Variants in KCNN1 observed in about 807,000 individuals in gnomAD.
KCNN1 encodes potassium calcium-activated channel subfamily N member 1, also known as small conductance calcium-activated potassium channel protein 1.
A neutral mutation model predicts 44.7 loss-of-function variants in KCNN1; 20 were observed. The observed-to-expected ratio is 0.45, with a 90% CI of 0.32 to 0.65. The LOEUF (loss-of-function observed/expected upper bound fraction) is 0.65. Ranked by LOEUF, KCNN1 falls within the 30% of genes least tolerant of loss-of-function variation. The probability of loss-of-function intolerance (pLI) is 0.05; values close to 1 mark genes in which losing one functional copy is unlikely to be tolerated. For missense variants in KCNN1, 632 were observed against 785.3 expected, an observed-to-expected ratio of 0.80 and a Z score of 2.33; for synonymous variants, 324 against 341.7, an observed-to-expected ratio of 0.95 and a Z score of 0.57.
chr19:17,994,272 C>T (rs923437847), intron 9 of KCNN1, among the ~76,000 whole-genome samples: 1 of 151,670 alleles, frequency 6.6e-6, no homozygotes, highest in African/African-American at 2.4e-5. Context: ...CAGAGAGACC[C>T]CATCTGTACA....
chr19:17,955,257 T>TAA (rs869247421), intron 2 of KCNN1, among the ~76,000 whole-genome samples: 2 of 127,704 alleles, frequency 1.6e-5, no homozygotes, highest in Non-Finnish European at 3.4e-5. Flanking sequence ...TCTCTTTAAT[T>TAA]AAAAAAAAAA....
At chr19:17,977,760 C>T (rs941485375) in intron 3 of KCNN1, among the ~76,000 whole-genome samples, 1 of 152,092 alleles carries the variant, frequency 6.6e-6, no homozygotes, top group Admixed American at 6.6e-5. Flanking sequence ...TTCAGAGGTA[C>T]TAGAGGTCAG....
intron 9 of KCNN1, among the ~76,000 whole-genome samples, chr19:17,996,182 A>T (rs567213943): frequency 6.7e-6 from 1 of 149,386 alleles, no homozygotes; most frequent in Non-Finnish European, 1.5e-5. Flanking sequence ...AAAAAAAAAA[A>T]AAATAGAAAA....
chr19:17,980,228 ATTTTTTTTTTT>A (rs34810089), intron 3 of KCNN1, among the ~76,000 whole-genome samples: 12 of 44,534 alleles, frequency 2.7e-4, no homozygotes, highest in South Asian at 1.2e-3. Context: ...CACCTAGCTA[ATTTTTTTTTTT>A]TTTTTTTTTT....
At chr19:17,980,192 G>A (rs1349295750) in intron 3 of KCNN1, among the ~76,000 whole-genome samples, 1 of 146,466 alleles carries the variant, frequency 6.8e-6, no homozygotes, top group Non-Finnish European at 1.5e-5. Flanking sequence ...GCCTCTCAAG[G>A]CTGAGATTAC....
In KCNN1 at chr19:17,983,742, A is replaced by T. The variant is rs1433203365; in HGVS notation, c.918-1570A>T. Among the ~76,000 whole-genome samples, 2 of 142,480 alleles carry T rather than the reference A, an allele frequency of 1.4e-5. No homozygotes were observed. Among genetic ancestry groups the T allele is most frequent in the African/African-American group, 5.3e-5 (2 of 37,860 alleles). The allele number at this position is 142,480 out of a possible 152,430, so 93.5% of individuals were successfully genotyped here. ...CCGTGCTCCTGGGTGGTCCCGCGGCACCCCCCACCATCGCTCCGTCTGGAT... is the reference window on the plus strand; with the variant it reads ...CCGTGCTCCTGGGTGGTCCCGCGGCTCCCCCCACCATCGCTCCGTCTGGAT... On this transcript the variant is annotated intron_variant, in intron 4 of 9. Coordinates refer to ENST00000684775, the MANE Select transcript of KCNN1 (RefSeq NM_001386974.1). This position sits in a 1 kb window ranked among gnomAD's most constrained non-coding sequence, Gnocchi z 4.5.
chr19:17,953,958 G>A (rs149329139), intron 1 of KCNN1, among the ~76,000 whole-genome samples: 3 of 152,198 alleles, frequency 2.0e-5, no homozygotes, highest in African/African-American at 7.2e-5. Context: ...TCCCCATGGC[G>A]AAGGAACTAG....
At chr19:17,986,421 C>G (rs2032598622) in intron 5 of KCNN1, among the ~76,000 whole-genome samples, 1 of 152,030 alleles carries the variant, frequency 6.6e-6, no homozygotes, top group South Asian at 2.1e-4. Context: ...GCCCAAACTC[C>G]CTTCCTTAGC....
chr19:17,979,432 C>CAAAAA (rs35265456), intron 3 of KCNN1, among the ~76,000 whole-genome samples: 1 of 48,778 alleles, frequency 2.1e-5, no homozygotes, highest in African/African-American at 8.3e-5. Context: ...GACTCCGTCT[C>CAAAAA]AAAAAAAAAA....
At position 17,991,407 on chromosome 19, in the gene KCNN1, C is replaced by T. The variant is rs552421535; in HGVS notation, c.1298+1564C>T. 7.9e-5 allele frequency among the ~76,000 whole-genome samples: 12 copies of T among 152,264 alleles called. No individual in the cohort carries two copies. In the South Asian group the frequency reaches 1.5e-3, roughly 18 times the overall value. The stretch of plus-strand genomic sequence containing the variant: ...TCAAGGTTGCAGCGAGCTGTGATTG[C>T]GCCACTGCACTCCAGCCTGGGCCAC... On this transcript the variant is annotated intron_variant, in intron 7 of 9. Coordinates refer to ENST00000684775, the MANE Select transcript of KCNN1 (RefSeq NM_001386974.1).
Position 17,998,789 on chromosome 19 carries a change from T to C in KCNN1, c.*383T>C, listed in dbSNP as rs2033092553. 1.6e-5 allele frequency: 3 copies of C among 182,896 alleles called. No homozygotes were observed. Among genetic ancestry groups the C allele is most frequent in the Admixed American group, 6.1e-5 (1 of 16,428 alleles). The allele number at this position is 182,896 out of a possible 1,614,324, so 11.3% of individuals were successfully genotyped here. On this transcript the variant is annotated 3_prime_UTR_variant, in exon 10 of 10. Coordinates refer to ENST00000684775, the MANE Select transcript of KCNN1 (RefSeq NM_001386974.1). The surrounding 1 kb of genome is among the most constrained non-coding windows in gnomAD (Gnocchi z 5.4). ...CCAGCCCTGGGTACCAAGATGAATG[T>C]GGGAATCAGAAAAACCTGTTCCCAT...
At chr19:17,995,255 C>T (rs181424134) in intron 9 of KCNN1, among the ~76,000 whole-genome samples, 5 of 151,888 alleles carry the variant, frequency 3.3e-5, no homozygotes, top group Admixed American at 2.0e-4. Context: ...TCACCGCAGC[C>T]TCAACCTCCC....
At chr19:17,953,712 C>G (rs1448868847) in intron 1 of KCNN1, among the ~76,000 whole-genome samples, 1 of 152,172 alleles carries the variant, frequency 6.6e-6, no homozygotes, top group African/African-American at 2.4e-5. Flanking sequence ...AAGGGCGAGG[C>G]AAGCTCAGGA....
intron 4 of KCNN1, 43 bp downstream of exon 4, chr19:17,982,170 G>T (rs938768462): frequency 9.8e-7 from 1 of 1,024,570 alleles, no homozygotes; most frequent in Non-Finnish European, 1.2e-6. Flanking sequence ...CCCAGCCCCC[G>T]TCTCCCTGGA....
chr19:17,970,148 G>T (rs1276115485), intron 1 of KCNN1, among the ~76,000 whole-genome samples: 1 of 151,998 alleles, frequency 6.6e-6, no homozygotes, highest in African/African-American at 2.4e-5. Flanking sequence ...GGGAAGTGCT[G>T]GGCCTGCGGG....
intron 2 of KCNN1, chr19:17,954,705 C>T (rs1255328164): frequency 2.0e-5 from 3 of 152,086 alleles, no homozygotes; most frequent in Non-Finnish European, 2.9e-5. Flanking sequence ...AGACTTGGGT[C>T]GCCTTTGGGG....
intron 1 of KCNN1, among the ~76,000 whole-genome samples, chr19:17,971,858 G>A (rs533312842): frequency 6.6e-6 from 1 of 152,008 alleles, no homozygotes; most frequent in Admixed American, 6.5e-5. Context: ...TAGGATTCAG[G>A]AGAACATTTA....
At position 17,974,706 on chromosome 19, in the gene KCNN1, G is replaced by A. The variant is rs1599357928; in HGVS notation, c.403-386G>A. On this transcript the variant is annotated intron_variant, in intron 2 of 9. Coordinates refer to ENST00000684775, the MANE Select transcript of KCNN1 (RefSeq NM_001386974.1). The surrounding 1 kb of genome is among the most constrained non-coding windows in gnomAD (Gnocchi z 7.3). The stretch of plus-strand genomic sequence containing the variant: ...GTGAGGATGGAGAGAGATCAGGGCT[G>A]TGTCAGCCTGTAAACTCTGAAGTGC... Among the ~76,000 whole-genome samples the A allele has an allele frequency of 6.6e-6, 1 of 152,226 alleles. No individual in the cohort carries two copies. The highest frequency in any genetic ancestry group is 1.9e-4 in the East Asian group (1 of 5,194).
intron 3 of KCNN1, among the ~76,000 whole-genome samples, chr19:17,978,820 C>T (rs1015266530): frequency 1.3e-5 from 2 of 150,854 alleles, no homozygotes; most frequent in African/African-American, 2.4e-5. Context: ...TTTGGAAGGC[C>T]GAGGCAGGAG....
Sources: allele counts gnomAD v4.1 joint callset (sites outside exome capture counted in the v4.1 genomes callset), GRCh38; gene constraint gnomAD v4.1.1; non-coding constraint Gnocchi (gnomAD v3.1); transcripts MANE v1.5; gene names NCBI Gene and HGNC (gene_info 2026-07-23, HGNC 2026-07-21).